The following ODAD2 variants were observed in gnomAD, a reference collection of about 807,000 sequenced individuals.
ODAD2 encodes outer dynein arm docking complex subunit 2.
Under a neutral mutation model 106.8 loss-of-function variants are expected in ODAD2, and 89 were observed. That is an observed-to-expected ratio of 0.83 (90% confidence interval 0.70 to 0.99). ODAD2 has a LOEUF of 0.99. Ranked by LOEUF, ODAD2 falls within the 50% of genes least tolerant of loss-of-function variation. The pLI is 0.00. For missense variants in ODAD2, 1,168 were observed against 1,238.5 expected (o/e 0.94, Z 0.85); for synonymous variants, 404 against 436.2 (o/e 0.93, Z 0.92).
chr10:27,964,145 C>G (rs1243289660), intron 9 of ODAD2, among the ~76,000 whole-genome samples: 1 of 152,158 alleles, frequency 6.6e-6, no homozygotes, highest in Non-Finnish European at 1.5e-5. Flanking sequence ...GCACTTGAAC[C>G]TGGAAGGCAG....
At chr10:27,909,985 G>A (rs1307056910) in intron 16 of ODAD2, among the ~76,000 whole-genome samples, 3 of 152,040 alleles carry the variant, frequency 2.0e-5, no homozygotes, top group African/African-American at 4.8e-5. Flanking sequence ...TCTGCATGAA[G>A]TCATTTATTG....
chr10:27,936,106 C>T (rs773738744), intron 15 of ODAD2, among the ~76,000 whole-genome samples: 7 of 152,014 alleles, frequency 4.6e-5, no homozygotes, highest in African/African-American at 9.7e-5. Context: ...ATGGTCGGGA[C>T]GTGAATCTCT....
chr10:27,903,858 T>C (rs1843389679), intron 17 of ODAD2, among the ~76,000 whole-genome samples: 1 of 152,172 alleles, frequency 6.6e-6, no homozygotes, highest in South Asian at 2.1e-4. Context: ...CCATGAGTTC[T>C]ATGGTCACAC....
chr10:27,841,448 T>A (rs1838299614), intron 19 of ODAD2, among the ~76,000 whole-genome samples: 1 of 152,034 alleles, frequency 6.6e-6, no homozygotes, highest in Non-Finnish European at 1.5e-5. Context: ...TAGGCTGGAG[T>A]GCAGTGGTGC....
chr10:27,849,161 AT>A (rs1839045123), intron 19 of ODAD2, among the ~76,000 whole-genome samples: 1 of 152,200 alleles, frequency 6.6e-6, no homozygotes, highest in African/African-American at 2.4e-5. Flanking sequence ...CTAAATATTC[AT>A]CAATGATAGA....
chr10:27,970,442 T>C (rs1454134767), intron 8 of ODAD2, among the ~76,000 whole-genome samples: 1 of 152,174 alleles, frequency 6.6e-6, no homozygotes, highest in Non-Finnish European at 1.5e-5. Context: ...AGCATGATTT[T>C]TACATTTCCC....
chr10:27,934,567 T>C (rs553578227), intron 16 of ODAD2, among the ~76,000 whole-genome samples: 36 of 152,102 alleles, frequency 2.4e-4, no homozygotes, highest in African/African-American at 8.4e-4. Context: ...AGCAACACCA[T>C]TACTTAAAAT....
At chr10:27,909,796 C>T (rs1020664781) in intron 16 of ODAD2, among the ~76,000 whole-genome samples, 21 of 115,948 alleles carry the variant, frequency 1.8e-4, no homozygotes, top group Non-Finnish European at 2.9e-4. Context: ...CCAGCTTGGG[C>T]GACAAAGTGA....
At chr10:27,845,717 A>G (rs1838688820) in intron 19 of ODAD2, among the ~76,000 whole-genome samples, 1 of 152,204 alleles carries the variant, frequency 6.6e-6, no homozygotes. Context: ...AAATAAAGGT[A>G]TGGAGGAAGA....
chr10:27,983,087 G>T (rs112482000), intron 6 of ODAD2, among the ~76,000 whole-genome samples: 1 of 152,178 alleles, frequency 6.6e-6, no homozygotes, highest in Non-Finnish European at 1.5e-5. Flanking sequence ...CCCAGCAACG[G>T]CCCTTCTTTC....
intron 19 of ODAD2, among the ~76,000 whole-genome samples, chr10:27,821,801 A>T (rs537020855): frequency 1.3e-5 from 2 of 152,314 alleles, no homozygotes; most frequent in Admixed American, 1.3e-4. Flanking sequence ...TTCCAACTAT[A>T]AAGACATGTT....
At chr10:27,943,027 C>T (rs964620330) in intron 12 of ODAD2, among the ~76,000 whole-genome samples, 4 of 152,174 alleles carry the variant, frequency 2.6e-5, no homozygotes, top group Non-Finnish European at 5.9e-5. Flanking sequence ...AGGTACTGGG[C>T]TAAGTGCTGT....
At chr10:27,906,139 A>G (rs1333765245) in intron 17 of ODAD2, among the ~76,000 whole-genome samples, 39 of 152,240 alleles carry the variant, frequency 2.6e-4, no homozygotes, top group Non-Finnish European at 2.9e-5. Flanking sequence ...TGATATCCAG[A>G]ATCTACAAGG....
intron 9 of ODAD2, among the ~76,000 whole-genome samples, chr10:27,964,971 T>C (rs1184641521): frequency 6.6e-6 from 1 of 152,234 alleles, no homozygotes. Flanking sequence ...AGAAGGGTAC[T>C]TCTGGTGATA....
At chr10:27,936,929 C>A in intron 14 of ODAD2, 49 bp from the exon 15 acceptor site, 1 of 1,541,120 alleles carries the variant, frequency 6.5e-7, no homozygotes, top group Non-Finnish European at 8.7e-7. Context: ...GAATATCAAG[C>A]TTTCAATGAT....
intron 19 of ODAD2, among the ~76,000 whole-genome samples, chr10:27,840,211 T>G (rs1166268916): frequency 6.6e-6 from 1 of 152,226 alleles, no homozygotes; most frequent in Admixed American, 6.5e-5. Flanking sequence ...TATTGATCTA[T>G]TTGTACATAT....
At chr10:27,818,054 G>A (rs1003149291) in intron 19 of ODAD2, among the ~76,000 whole-genome samples, 1 of 151,610 alleles carries the variant, frequency 6.6e-6, no homozygotes, top group Non-Finnish European at 1.5e-5. Context: ...AGTGCCAACT[G>A]TAAGCCTGGA....
intron 17 of ODAD2, among the ~76,000 whole-genome samples, chr10:27,888,786 G>T (rs1233074676): frequency 1.3e-5 from 2 of 152,110 alleles, no homozygotes; most frequent in East Asian, 1.9e-4. Context: ...TTCAACAAGG[G>T]TGTCAAAACT....
chr10:27,987,874 T>A (rs919821623), intron 2 of ODAD2, among the ~76,000 whole-genome samples: 1 of 151,926 alleles, frequency 6.6e-6, no homozygotes, highest in Non-Finnish European at 1.5e-5. Context: ...GGCATCTTTT[T>A]AAAAATCATT....
Sources: gnomAD v4.1 joint callset for allele counts (sites outside exome capture counted in the v4.1 genomes callset) on GRCh38, gnomAD v4.1.1 for gene constraint, MANE v1.5 for transcripts, NCBI Gene and HGNC (gene_info 2026-07-23, HGNC 2026-07-21) for gene names.